TCERG1L: variants seen among roughly 807,000 people sequenced by gnomAD.
TCERG1L encodes the protein transcription elongation regulator 1 like, also known as transcription elongation regulator 1-like protein.
A neutral mutation model predicts 56.3 loss-of-function variants in TCERG1L; 37 were observed. The ratio of observed to expected loss-of-function variants is 0.66; its 90% CI spans 0.51 to 0.87. The LOEUF is 0.87. Among genes scored for constraint, TCERG1L ranks in the 40% least tolerant of loss-of-function variants. The pLI is 0.00. For missense variants in TCERG1L, 799 were observed against 774.2 expected (o/e 1.03, Z -0.38); for synonymous variants, 324 against 326.3 (o/e 0.99, Z 0.08).
intron 3 of TCERG1L, among the ~76,000 whole-genome samples, chr10:131,283,982 G>C (rs1332056063): frequency 6.6e-6 from 1 of 152,102 alleles, no homozygotes; most frequent in East Asian, 1.9e-4. Context: ...AATTAGCCAG[G>C]CATTGCAGTG....
intron 11 of TCERG1L, 31 bp downstream of exon 11, chr10:131,098,275 G>C: frequency 1.9e-6 from 3 of 1,546,176 alleles, no homozygotes; most frequent in Non-Finnish European, 2.6e-6. Context: ...CCCAGCCCCA[G>C]AAATCATCCG....
chr10:131,208,224 A>C, intron 4 of TCERG1L, among the ~76,000 whole-genome samples: 1 of 151,590 alleles, frequency 6.6e-6, no homozygotes. Flanking sequence ...CAAATTCAAC[A>C]CCCCTCCTCC....
At chr10:131,237,357 A>G (rs1845923373) in intron 4 of TCERG1L, among the ~76,000 whole-genome samples, 1 of 151,854 alleles carries the variant, frequency 6.6e-6, no homozygotes, top group African/African-American at 2.4e-5. Context: ...CAACTCACAG[A>G]CCTCATGCCC....
Position 131,116,846 on chromosome 10 carries a change from G to A in TCERG1L, c.1348C>T (p.Leu450=), listed in dbSNP as rs764885925. ...RTPPPQILLP[L]EERVTHFRDM... ...CGGAAGTGGGTCACACGCTCCTCCA[G>A]AGGCAGGAGGATCTGCGGGGGCGGC... The change falls in exon 9 of 12, where the codon CTG becomes TTG. Residue 450 remains leucine (L), a synonymous_variant. Coordinates refer to ENST00000368642, the MANE Select transcript of TCERG1L (RefSeq NM_174937.4). The A allele has an allele frequency of 3.2e-6, 5 of 1,581,872 alleles. No individual in the cohort carries two copies. The highest frequency in any genetic ancestry group is 4.3e-6 in the Non-Finnish European group (5 of 1,164,622).
intron 4 of TCERG1L, among the ~76,000 whole-genome samples, chr10:131,220,565 G>T (rs1020002835): frequency 2.0e-5 from 3 of 151,938 alleles, no homozygotes; most frequent in African/African-American, 7.3e-5. Context: ...GGTTCAGAGA[G>T]GGAGGGAGGA....
chr10:131,223,982 C>T (rs1299227652), intron 4 of TCERG1L, among the ~76,000 whole-genome samples: 1 of 152,064 alleles, frequency 6.6e-6, no homozygotes, highest in Admixed American at 6.6e-5. Context: ...ACTGCATTCC[C>T]CGTGGTGAGA....
chr10:131,096,572 T>C (rs942372966), intron 11 of TCERG1L, among the ~76,000 whole-genome samples: 6 of 152,212 alleles, frequency 3.9e-5, no homozygotes, highest in East Asian at 1.9e-4. Flanking sequence ...AGGGGGCCTA[T>C]GCCTTCATAG....
chr10:131,248,482 C>A (rs1042285918), intron 4 of TCERG1L, among the ~76,000 whole-genome samples: 1 of 152,258 alleles, frequency 6.6e-6, no homozygotes, highest in African/African-American at 2.4e-5. Flanking sequence ...GCTCGGAGGG[C>A]CACACTCCAC....
chr10:131,248,948 G>A (rs1434044430), intron 4 of TCERG1L, among the ~76,000 whole-genome samples: 3 of 152,164 alleles, frequency 2.0e-5, no homozygotes, highest in African/African-American at 2.4e-5. Context: ...GGCCGCCCTC[G>A]GCAGGACCAG....
intron 3 of TCERG1L, among the ~76,000 whole-genome samples, chr10:131,268,718 T>C (rs1474702595): frequency 1.3e-5 from 2 of 152,260 alleles, no homozygotes; most frequent in African/African-American, 2.4e-5. Context: ...TTTTATGTTA[T>C]GGAGACAGTT....
intron 7 of TCERG1L, among the ~76,000 whole-genome samples, chr10:131,136,772 A>G: frequency 6.6e-6 from 1 of 151,564 alleles, no homozygotes; most frequent in South Asian, 2.1e-4. Context: ...CTGGGATTAC[A>G]GGCGTGAGCC....
At chr10:131,182,739 T>C (rs1307184190) in intron 4 of TCERG1L, among the ~76,000 whole-genome samples, 1 of 149,002 alleles carries the variant, frequency 6.7e-6, no homozygotes, top group Non-Finnish European at 1.5e-5. Flanking sequence ...TATGTGAAAA[T>C]GCAGTGCTCA....
chr10:131,098,843 T>C (rs539284444), intron 10 of TCERG1L, among the ~76,000 whole-genome samples: 2 of 152,338 alleles, frequency 1.3e-5, no homozygotes, highest in East Asian at 3.9e-4. Flanking sequence ...TCACGGCCAG[T>C]GGCACCAGAA....
At chr10:131,255,580 C>A (rs536055563) in intron 4 of TCERG1L, among the ~76,000 whole-genome samples, 3 of 152,222 alleles carry the variant, frequency 2.0e-5, no homozygotes, top group Non-Finnish European at 4.4e-5. Flanking sequence ...ATTCTCTATA[C>A]TGGACATAAC....
chr10:131,255,685 C>T (rs1044669902), intron 4 of TCERG1L, among the ~76,000 whole-genome samples: 32 of 152,168 alleles, frequency 2.1e-4, no homozygotes, highest in Non-Finnish European at 4.7e-4. Context: ...TAACGGCTAA[C>T]GTAGTTAAAG....
chr10:131,135,570 G>A (rs1038108074), intron 7 of TCERG1L, among the ~76,000 whole-genome samples: 12 of 152,304 alleles, frequency 7.9e-5, no homozygotes, highest in South Asian at 2.1e-4. Flanking sequence ...AATGTGCAGC[G>A]TGGGGCCCTT....
chr10:131,134,076 G>GCCC (rs751791453), intron 8 of TCERG1L, among the ~76,000 whole-genome samples: 1 of 152,048 alleles, frequency 6.6e-6, no homozygotes, highest in African/African-American at 2.4e-5. Context: ...TATGCACCTG[G>GCCC]CCCCCATGAC....
At chr10:131,117,381 C>T (rs1333747252) in intron 8 of TCERG1L, among the ~76,000 whole-genome samples, 1 of 152,266 alleles carries the variant, frequency 6.6e-6, no homozygotes, top group Non-Finnish European at 1.5e-5. Context: ...CTCATCGCCC[C>T]TTCATTCTGG....
At chr10:131,095,271 A>T (rs1412830160) in intron 11 of TCERG1L, 1 of 155,402 alleles carries the variant, frequency 6.4e-6, no homozygotes, top group African/African-American at 2.4e-5. Context: ...CCGGGCGGCC[A>T]ACCCCACCTG....
Sources: allele counts gnomAD v4.1 joint callset (sites outside exome capture counted in the v4.1 genomes callset), GRCh38; gene constraint gnomAD v4.1.1; transcripts MANE v1.5; gene names NCBI Gene and HGNC (gene_info 2026-07-23, HGNC 2026-07-21).